The following CPNE8 variants were observed in gnomAD, a reference collection of about 807,000 sequenced individuals.
CPNE8 encodes copine-8.
CPNE8 carries 45 observed loss-of-function variants against 81.5 expected under a neutral mutation model. The ratio of observed to expected loss-of-function variants is 0.55; its 90% CI spans 0.44 to 0.71. The LOEUF is 0.71. Among genes scored for constraint, CPNE8 ranks in the 30% least tolerant of loss-of-function variants. The pLI, the probability that CPNE8 is intolerant of heterozygous loss-of-function variation, is 0.00. For synonymous variants in CPNE8, 252 were observed against 226.3 expected (o/e 1.11, Z -1.02); for missense variants, 594 against 672.1 (o/e 0.88, Z 1.28).
At chr12:38,843,335 GAATC>G (rs1414754092) in intron 4 of CPNE8, among the ~76,000 whole-genome samples, 1 of 152,178 alleles carries the variant, frequency 6.6e-6, no homozygotes, top group Non-Finnish European at 1.5e-5. Context: ...CAGAGCTACT[GAATC>G]AATCACATTA....
In CPNE8 at chr12:38,808,000, A is replaced by T. The variant is rs1197841047; in HGVS notation, c.407+21379T>A. Among the ~76,000 whole-genome samples, 5 of 152,154 alleles carry T rather than the reference A, an allele frequency of 3.3e-5. No homozygotes were observed. In the South Asian group the frequency reaches 1.0e-3, roughly 32 times the overall value. ...TTATGCAGCCAAAAAACACATGGAA[A>T]AATGCTCATCATCACTGGCCATCAG... On this transcript the variant is annotated intron_variant, in intron 6 of 19. Coordinates refer to ENST00000331366, the MANE Select transcript of CPNE8 (RefSeq NM_153634.3).
At chr12:38,715,096 A>G (rs1159057065) in intron 13 of CPNE8, among the ~76,000 whole-genome samples, 1 of 152,076 alleles carries the variant, frequency 6.6e-6, no homozygotes, top group Non-Finnish European at 1.5e-5. Context: ...GAGAAGAAAC[A>G]AGAAGAGATA....
chr12:38,822,169 AC>A (rs1310787538), intron 6 of CPNE8, among the ~76,000 whole-genome samples: 1 of 152,134 alleles, frequency 6.6e-6, no homozygotes, highest in Non-Finnish European at 1.5e-5. Context: ...TTGACACTGA[AC>A]CCTGGATTAT....
chr12:38,659,485 G>T lies in CPNE8; in HGVS notation c.1507-5415C>A, dbSNP rs576229193. ...AACACCCCACTGTCAATATTAGACA[G>T]ATCGACAAGACAGGTTAACAAGGAT... is the stretch of plus-strand genomic sequence containing the variant. On this transcript the variant is annotated intron_variant, in intron 19 of 19. Transcript: ENST00000331366. 3.9e-5 allele frequency among the ~76,000 whole-genome samples: 6 copies of T among 152,254 alleles called. No individual in the cohort carries two copies. The East Asian group carries it at 5.8e-4, about 15-fold the overall frequency.
intron 6 of CPNE8, among the ~76,000 whole-genome samples, chr12:38,797,636 G>C (rs1344696610): frequency 2.0e-5 from 3 of 152,138 alleles, no homozygotes; most frequent in Non-Finnish European, 4.4e-5. Flanking sequence ...CTAAAAAGCA[G>C]AGTGCCTCTC....
chr12:38,833,458 T>C (rs1187573188), intron 5 of CPNE8, among the ~76,000 whole-genome samples: 1 of 148,152 alleles, frequency 6.7e-6, no homozygotes, highest in Non-Finnish European at 1.5e-5. Context: ...AACAAGTAGA[T>C]GATCAGTGAC....
In CPNE8 at chr12:38,724,918, C is replaced by T. The variant is rs1211002182; in HGVS notation, c.799-19G>A. ...TCACCACCTTAAAAAGCAGATAAAA[C>T]AATTAAAATGTGTTAGGTTTTATAC... On this transcript the variant is annotated intron_variant, in intron 11 of 19. Transcript: ENST00000331366. The T allele has an allele frequency of 6.6e-7, 1 of 1,516,384 alleles. No individual in the cohort carries two copies. The highest frequency in any genetic ancestry group is 9.1e-7 in the Non-Finnish European group (1 of 1,104,612). 93.9% of individuals were successfully genotyped at this position (1,516,384 alleles called of 1,614,324 possible).
chr12:38,678,036 G>A (rs1358726527), intron 16 of CPNE8, among the ~76,000 whole-genome samples: 1 of 152,008 alleles, frequency 6.6e-6, no homozygotes, highest in African/African-American at 2.4e-5. Context: ...ATAAATGATA[G>A]CAATAATCAT....
At chr12:38,866,733 A>C (rs759380308) in intron 3 of CPNE8, among the ~76,000 whole-genome samples, 4 of 152,226 alleles carry the variant, frequency 2.6e-5, no homozygotes, top group Non-Finnish European at 5.9e-5. Flanking sequence ...AATGTGGCCT[A>C]CATAGCAAAT....
At chr12:38,801,329 C>G (rs1163022416) in intron 6 of CPNE8, among the ~76,000 whole-genome samples, 1 of 26,022 alleles carries the variant, frequency 3.8e-5, no homozygotes, top group African/African-American at 1.7e-4. Flanking sequence ...CCCTACAAGC[C>G]AGAAGAGAGT....
intron 6 of CPNE8, among the ~76,000 whole-genome samples, chr12:38,808,196 T>G (rs61937814): frequency 0.057 from 8,701 of 152,198 alleles, 349 homozygotes; most frequent in Non-Finnish European, 0.087. Context: ...TCAGCGTGGC[T>G]ATTCCTCAGG....
At chr12:38,897,336 T>C (rs1380839272) in intron 1 of CPNE8, among the ~76,000 whole-genome samples, 2 of 152,064 alleles carry the variant, frequency 1.3e-5, no homozygotes, top group African/African-American at 4.8e-5. Flanking sequence ...TATTAATCAT[T>C]TCAGTTCTAG....
intron 6 of CPNE8, among the ~76,000 whole-genome samples, chr12:38,808,946 T>C (rs1942879280): frequency 6.6e-6 from 1 of 151,818 alleles, no homozygotes; most frequent in Non-Finnish European, 1.5e-5. Flanking sequence ...TTAAAATATA[T>C]GATATATTGA....
intron 5 of CPNE8, among the ~76,000 whole-genome samples, chr12:38,833,038 C>T (rs1216019645): frequency 6.8e-6 from 1 of 146,064 alleles, no homozygotes; most frequent in East Asian, 1.9e-4. Flanking sequence ...TTTCCCTCAG[C>T]ACAACTGTTG....
At chr12:38,882,666 G>A (rs1349842989) in intron 1 of CPNE8, among the ~76,000 whole-genome samples, 5 of 152,038 alleles carry the variant, frequency 3.3e-5, no homozygotes, top group African/African-American at 1.2e-4. Flanking sequence ...AAACGCTTGA[G>A]CAAATGCCTC....
chr12:38,757,083 T>G (rs941324135), intron 10 of CPNE8, among the ~76,000 whole-genome samples: 1 of 152,158 alleles, frequency 6.6e-6, no homozygotes, highest in South Asian at 2.1e-4. Context: ...GTGACTTGCA[T>G]TATATTTCCA....
chr12:38,903,158 A>C (rs547539067), intron 1 of CPNE8, among the ~76,000 whole-genome samples: 1 of 152,344 alleles, frequency 6.6e-6, no homozygotes, highest in Admixed American at 6.5e-5. Flanking sequence ...AACCTATTCC[A>C]AAGGCACTAA....
At chr12:38,670,976 G>A (rs1292194669) in intron 18 of CPNE8, 174 bp from the exon 19 acceptor site, 1 of 517,004 alleles carries the variant, frequency 1.9e-6, no homozygotes, top group Non-Finnish European at 3.4e-6. Context: ...GATTAAGTGT[G>A]CATTTTACAG....
At chr12:38,717,566 G>A (rs60048904) in intron 13 of CPNE8, among the ~76,000 whole-genome samples, 5,199 of 150,470 alleles carry the variant, frequency 0.035, 279 homozygotes, top group African/African-American at 0.12. Flanking sequence ...TCTGGAATGC[G>A]AAACCAAATA....
Sources: gnomAD v4.1 joint callset for allele counts (sites outside exome capture counted in the v4.1 genomes callset) on GRCh38, gnomAD v4.1.1 for gene constraint, MANE v1.5 for transcripts, NCBI Gene and HGNC (gene_info 2026-07-23, HGNC 2026-07-21) for gene names.